Variants in MACROH2A2 observed in about 807,000 individuals in gnomAD.
MACROH2A2 encodes core histone macro-H2A.2.
A neutral mutation model predicts 37.6 loss-of-function variants in MACROH2A2; 6 were observed. The ratio of observed to expected loss-of-function variants is 0.16; its 90% confidence interval spans 0.09 to 0.32. MACROH2A2 has a LOEUF of 0.32. Ranked by LOEUF, MACROH2A2 falls within the 10% of genes least tolerant of loss-of-function variation. The pLI, the probability that MACROH2A2 is intolerant of heterozygous loss-of-function variation, is 1.00. For missense variants in MACROH2A2, 290 were observed against 485.9 expected, an observed-to-expected ratio of 0.60 and a Z score of 3.79; for synonymous variants, 192 against 202.7, an observed-to-expected ratio of 0.95 and a Z score of 0.45.
chr10:70,083,717 C>T lies in MACROH2A2; in HGVS notation c.173-6343C>T, dbSNP rs532777505. On this transcript the variant is annotated intron_variant, in intron 2 of 8. Coordinates refer to ENST00000373255, the MANE Select transcript of MACROH2A2 (RefSeq NM_018649.3). ...TCATGATGCCAGAGCCACAGTGTCT[C>T]TAGCCCCAACCTGGTGAAGGAGGGT... Among the ~76,000 whole-genome samples the T allele has an allele frequency of 3.3e-5, 5 of 151,090 alleles. No individual in the cohort carries two copies. The South Asian group carries it at 1.1e-3, about 32-fold the overall frequency.
At chr10:70,091,689 A>AT (rs2072245656) in intron 3 of MACROH2A2, 68 bp from the exon 4 acceptor site, 5 of 1,123,836 alleles carry the variant, frequency 4.4e-6, no homozygotes, top group Non-Finnish European at 6.5e-6. Context: ...AAAAAAAAAA[A>AT]AAGAACTGTA....
chr10:70,060,097 C>T (rs1378665159), intron 1 of MACROH2A2, among the ~76,000 whole-genome samples: 4 of 152,250 alleles, frequency 2.6e-5, no homozygotes, highest in South Asian at 4.1e-4. Flanking sequence ...GGGCCAGGTG[C>T]GGTGGTTCAC....
chr10:70,092,044 A>G (rs2072248604), intron 4 of MACROH2A2, 90 bp downstream of exon 4: 4 of 1,023,634 alleles, frequency 3.9e-6, no homozygotes. Context: ...GTTGAAACCT[A>G]ACCCCAGAGG....
intron 2 of MACROH2A2, among the ~76,000 whole-genome samples, chr10:70,087,863 T>C (rs1483681909): frequency 6.6e-6 from 1 of 152,230 alleles, no homozygotes; most frequent in Non-Finnish European, 1.5e-5. Context: ...TTTATGGAAA[T>C]GCCTATGAAT....
intron 1 of MACROH2A2, among the ~76,000 whole-genome samples, chr10:70,065,931 ATT>A (rs1302534475): frequency 7.9e-5 from 12 of 152,338 alleles, no homozygotes; most frequent in Middle Eastern, 3.4e-3. Flanking sequence ...AAGCAAAATG[ATT>A]TTGACACTAA....
chr10:70,073,317 A>G lies in MACROH2A2; in HGVS notation c.-59-2283A>G, dbSNP rs75153619. Among the ~76,000 whole-genome samples the G allele has an allele frequency of 3.0e-3, 463 of 152,296 alleles. 2 individuals are homozygous for G. Among genetic ancestry groups the G allele is most frequent in the African/African-American group, 0.011 (441 of 41,566 alleles). The stretch of plus-strand genomic sequence containing the variant: ...TTGCTTCCTCAAAGAGAAAACCCCT[A>G]CAAGTGGATTTATGAGAGTGAGCAG... On this transcript the variant is annotated intron_variant, in intron 1 of 8. Coordinates refer to ENST00000373255, the MANE Select transcript of MACROH2A2 (RefSeq NM_018649.3).
chr10:70,093,108 C>G (rs1421846273), intron 4 of MACROH2A2, among the ~76,000 whole-genome samples: 1 of 152,022 alleles, frequency 6.6e-6, no homozygotes, highest in Non-Finnish European at 1.5e-5. Flanking sequence ...CTCCTGGGCT[C>G]AAGCGACCCT....
At chr10:70,093,902 A>T (rs934778139) in intron 5 of MACROH2A2, 57 bp downstream of exon 5, 4 of 882,578 alleles carry the variant, frequency 4.5e-6, no homozygotes, top group Non-Finnish European at 7.5e-6. Context: ...TTTATAACCT[A>T]CTGTTTACAA....
At chr10:70,067,766 G>C (rs1368132331) in intron 1 of MACROH2A2, among the ~76,000 whole-genome samples, 1 of 152,152 alleles carries the variant, frequency 6.6e-6, no homozygotes, top group Non-Finnish European at 1.5e-5. Flanking sequence ...GATGACATGA[G>C]AGATAATCCC....
chr10:70,079,566 CA>C (rs2136628053), intron 2 of MACROH2A2, among the ~76,000 whole-genome samples: 1 of 5,688 alleles, frequency 1.8e-4, no homozygotes, highest in East Asian at 3.1e-3. Context: ...CGCGCGCGCG[CA>C]CACACACACA....
chr10:70,080,867 A>G (rs1447419084), intron 2 of MACROH2A2, among the ~76,000 whole-genome samples: 1 of 141,024 alleles, frequency 7.1e-6, no homozygotes, highest in Non-Finnish European at 1.5e-5. Context: ...CCTGGGGAAC[A>G]ACAGTGAAAC....
At chr10:70,100,608 T>C (rs1029535063) in intron 7 of MACROH2A2, among the ~76,000 whole-genome samples, 3 of 145,482 alleles carry the variant, frequency 2.1e-5, no homozygotes, top group African/African-American at 7.4e-5. Flanking sequence ...ACTGGAACTA[T>C]GTTTTGTTCT....
Position 70,098,054 on chromosome 10 carries a change from C to T in MACROH2A2, c.689-2154C>T, listed in dbSNP as rs565616020. Among the ~76,000 whole-genome samples the T allele has an allele frequency of 8.5e-5, 13 of 152,114 alleles. No homozygotes were observed. The South Asian group carries it at 2.7e-3, about 32-fold the overall frequency. On this transcript the variant is annotated intron_variant, in intron 6 of 8. Transcript: ENST00000373255. ...CTCAGAAGTTCCAGACCAACCTGGG[C>T]ACATGGCAAAACCCCATCTCTACAA...
chr10:70,062,080 T>C (rs956443643), intron 1 of MACROH2A2, among the ~76,000 whole-genome samples: 1 of 152,218 alleles, frequency 6.6e-6, no homozygotes, highest in Non-Finnish European at 1.5e-5. Context: ...ATTATTATTT[T>C]AATACAGTAC....
chr10:70,080,424 G>T (rs2072169090), intron 2 of MACROH2A2, among the ~76,000 whole-genome samples: 1 of 152,112 alleles, frequency 6.6e-6, no homozygotes, highest in South Asian at 2.1e-4. Flanking sequence ...GGGACCTGTT[G>T]AGCTTTGGTG....
At chr10:70,103,698 AG>A (rs147036999) in intron 7 of MACROH2A2, among the ~76,000 whole-genome samples, 7,141 of 152,258 alleles carry the variant, frequency 0.047, 286 homozygotes, top group African/African-American at 0.1. Context: ...AAAAATCAAA[AG>A]AAACCTTCAA....
chr10:70,100,059 C>G (rs1485849832), intron 6 of MACROH2A2, 149 bp from the exon 7 acceptor site: 1 of 536,408 alleles, frequency 1.9e-6, no homozygotes, highest in Non-Finnish European at 3.3e-6. Context: ...CCTCCCCTGA[C>G]CACTGGCAAA....
intron 1 of MACROH2A2, among the ~76,000 whole-genome samples, chr10:70,070,098 T>C (rs1223506141): frequency 6.6e-6 from 1 of 152,146 alleles, no homozygotes; most frequent in African/African-American, 2.4e-5. Flanking sequence ...TAATTCTTAC[T>C]GTCCGTGTCC....
Position 70,109,166 on chromosome 10 carries a change from G to C in MACROH2A2, c.912G>C (p.Lys304Asn). ...ACTGCCTGTCAGCGGCGGAGGACAA[G>C]AAGCTAAAGTCCGTCGCGTTCCCGC... Reference protein sequence around the residue: ...IKNCLSAAEDKKLKSVAFPPF... With the variant: ...IKNCLSAAEDNKLKSVAFPPF... Residue 304 changes from lysine to asparagine, a missense_variant, in exon 8 of 9, where the codon AAG becomes AAC. Around this residue, in one of 3 missense-constraint regions of MACROH2A2, gnomAD observed 130 missense variants for 257.1 expected, o/e 0.51. Coordinates refer to ENST00000373255, the MANE Select transcript of MACROH2A2 (RefSeq NM_018649.3). The C allele has an allele frequency of 6.2e-7, 1 of 1,614,242 alleles. No individual in the cohort carries two copies. The highest frequency in any genetic ancestry group is 8.5e-7 in the Non-Finnish European group (1 of 1,180,028).
Sources: allele counts gnomAD v4.1 joint callset (sites outside exome capture counted in the v4.1 genomes callset), GRCh38; gene constraint gnomAD v4.1.1; regional missense constraint gnomAD v4.1.1; transcripts MANE v1.5; gene names NCBI Gene and HGNC (gene_info 2026-07-23, HGNC 2026-07-21).